ADAMTS12: variants seen among roughly 807,000 people sequenced by gnomAD.
ADAMTS12 encodes ADAM metallopeptidase with thrombospondin type 1 motif 12.
ADAMTS12 carries 118 observed loss-of-function variants against 167.8 expected under a neutral mutation model. The observed-to-expected ratio is 0.70, with a 90% CI of 0.61 to 0.82. The LOEUF is 0.82. Among genes scored for constraint, ADAMTS12 ranks in the 40% least tolerant of loss-of-function variants. The probability of loss-of-function intolerance (pLI) is 0.00; values close to 1 mark genes in which losing one functional copy is unlikely to be tolerated. For missense variants in ADAMTS12, 1,916 were observed against 1,998.8 expected (o/e 0.96, Z 0.79); for synonymous variants, 704 against 716.9 (o/e 0.98, Z 0.29).
intron 3 of ADAMTS12, among the ~76,000 whole-genome samples, chr5:33,740,423 G>A (rs1478913332): frequency 6.6e-6 from 1 of 152,148 alleles, no homozygotes; most frequent in Non-Finnish European, 1.5e-5. Context: ...GGGCAGGGAG[G>A]TTAGTCTTCC....
At chr5:33,696,352 CA>C (rs1742768707) in intron 3 of ADAMTS12, among the ~76,000 whole-genome samples, 1 of 146,948 alleles carries the variant, frequency 6.8e-6, no homozygotes, top group Non-Finnish European at 1.5e-5. Flanking sequence ...ACCCGGGAGG[CA>C]GAGCTTGCAG....
intron 2 of ADAMTS12, among the ~76,000 whole-genome samples, chr5:33,847,026 C>A (rs1048783234): frequency 6.6e-6 from 1 of 152,194 alleles, no homozygotes; most frequent in Non-Finnish European, 1.5e-5. Context: ...AGGCAAGACA[C>A]CAGCTGCCTC....
chr5:33,717,961 C>A (rs1743672803), intron 3 of ADAMTS12, among the ~76,000 whole-genome samples: 1 of 152,204 alleles, frequency 6.6e-6, no homozygotes, highest in East Asian at 1.9e-4. Flanking sequence ...CCACAACAAA[C>A]TTCTGTGTAT....
At chr5:33,696,311 C>A (rs1001123607) in intron 3 of ADAMTS12, among the ~76,000 whole-genome samples, 1 of 150,936 alleles carries the variant, frequency 6.6e-6, no homozygotes, top group Admixed American at 6.6e-5. Flanking sequence ...GTCCCAGCTA[C>A]TCGGGAGGCT....
intron 3 of ADAMTS12, among the ~76,000 whole-genome samples, chr5:33,714,181 G>T (rs1476470398): frequency 4.6e-5 from 7 of 152,042 alleles, no homozygotes; most frequent in African/African-American, 9.7e-5. Context: ...GCTGAAGAAG[G>T]GGGAAAGCCC....
chr5:33,869,769 A>G (rs145436224), intron 2 of ADAMTS12, among the ~76,000 whole-genome samples: 111 of 152,330 alleles, frequency 7.3e-4, no homozygotes, highest in African/African-American at 2.6e-3. Flanking sequence ...CTGGGCACAC[A>G]TTGTCACTGA....
chr5:33,819,607 T>G (rs1231896552), intron 2 of ADAMTS12, among the ~76,000 whole-genome samples: 2 of 152,192 alleles, frequency 1.3e-5, no homozygotes, highest in Non-Finnish European at 2.9e-5. Flanking sequence ...ATTTTAGGAT[T>G]CTTTTTCTAG....
Position 33,817,893 on chromosome 5 carries a change from T to C in ADAMTS12, c.489+63226A>G, listed in dbSNP as rs1218589500. Among the ~76,000 whole-genome samples the C allele has an allele frequency of 2.6e-5, 4 of 152,280 alleles. No individual in the cohort carries two copies. In the East Asian group the frequency reaches 7.7e-4, roughly 29 times the overall value. ...TTATATCATGTAAATCTTTCCATAGTAGAATATAGAGATACTTAAAAGATC... is the reference window on the plus strand; with the variant it reads ...TTATATCATGTAAATCTTTCCATAGCAGAATATAGAGATACTTAAAAGATC... On this transcript the variant is annotated intron_variant, in intron 2 of 23. Transcript: ENST00000504830.
At position 33,641,857 on chromosome 5, in the gene ADAMTS12, G is replaced by T; in HGVS notation, c.1671C>A (p.Thr557=). 6.2e-7 allele frequency: 1 copy of T among 1,613,626 alleles called. No individual in the cohort carries two copies. Among genetic ancestry groups the T allele is most frequent in the Admixed American group, 1.7e-5 (1 of 60,008 alleles). ...RWSPWSHCSR[T]CGAGVQSAER... Reference sequence around the variant, plus strand: ...CTGCGCTCTGGACTCCAGCCCCACAGGTCCTGGAACAGTGGGACCAGGGTG... The same window carrying T: ...CTGCGCTCTGGACTCCAGCCCCACATGTCCTGGAACAGTGGGACCAGGGTG... The change falls in exon 11 of 24, where the codon ACC becomes ACA. Residue 557 remains threonine, a synonymous_variant. Transcript: ENST00000504830.
intron 3 of ADAMTS12, among the ~76,000 whole-genome samples, chr5:33,697,555 C>T (rs191268832): frequency 1.7e-3 from 231 of 135,272 alleles, no homozygotes; most frequent in Admixed American, 6.1e-3. Context: ...CACAGTACCC[C>T]GCTCCTTTTT....
intron 2 of ADAMTS12, among the ~76,000 whole-genome samples, chr5:33,761,820 T>G (rs1745366156): frequency 6.6e-6 from 1 of 152,192 alleles, no homozygotes. Context: ...CTACTTAGGC[T>G]AATAGGCTTT....
chr5:33,789,472 T>C (rs1561272861), intron 2 of ADAMTS12, among the ~76,000 whole-genome samples: 2 of 152,214 alleles, frequency 1.3e-5, no homozygotes, highest in African/African-American at 4.8e-5. Context: ...TCAGGGTCTC[T>C]TCTTTATTCT....
At chr5:33,575,587 A>G (rs908114459) in intron 19 of ADAMTS12, among the ~76,000 whole-genome samples, 1 of 152,130 alleles carries the variant, frequency 6.6e-6, no homozygotes, top group African/African-American at 2.4e-5. Context: ...TGACATTTTA[A>G]GTCAACCACC....
chr5:33,541,872 C>T (rs567791732), intron 22 of ADAMTS12, among the ~76,000 whole-genome samples: 22 of 152,238 alleles, frequency 1.4e-4, no homozygotes, highest in Admixed American at 1.2e-3. Flanking sequence ...CGGTACCAGC[C>T]ACTGCAAAAA....
chr5:33,837,202 GA>G (rs2111577230), intron 2 of ADAMTS12, among the ~76,000 whole-genome samples: 1 of 152,348 alleles, frequency 6.6e-6, no homozygotes, highest in East Asian at 1.9e-4. Flanking sequence ...GGCTGGGCCC[GA>G]GTAGGGGAGT....
At chr5:33,856,070 C>T (rs1749392320) in intron 2 of ADAMTS12, among the ~76,000 whole-genome samples, 1 of 152,106 alleles carries the variant, frequency 6.6e-6, no homozygotes, top group Non-Finnish European at 1.5e-5. Flanking sequence ...AACTTGTATT[C>T]CAGCACAAAC....
At chr5:33,888,059 T>G (rs1167845969) in intron 1 of ADAMTS12, 2 of 152,224 alleles carry the variant, frequency 1.3e-5, no homozygotes, top group Non-Finnish European at 2.9e-5. Context: ...TTTTTTCTTT[T>G]TAATGGAACG....
chr5:33,819,273 C>A (rs1252459562), intron 2 of ADAMTS12, among the ~76,000 whole-genome samples: 2 of 152,054 alleles, frequency 1.3e-5, no homozygotes, highest in Non-Finnish European at 2.9e-5. Context: ...GATGTAAAAT[C>A]AAATTTCATT....
At chr5:33,862,767 T>C (rs1363377086) in intron 2 of ADAMTS12, among the ~76,000 whole-genome samples, 1 of 152,188 alleles carries the variant, frequency 6.6e-6, no homozygotes, top group Admixed American at 6.5e-5. Context: ...CCAATATCCC[T>C]GATGAACATC....
Sources: gnomAD v4.1 joint callset for allele counts (sites outside exome capture counted in the v4.1 genomes callset) on GRCh38, gnomAD v4.1.1 for gene constraint, MANE v1.5 for transcripts, NCBI Gene and HGNC (gene_info 2026-07-23, HGNC 2026-07-21) for gene names.